The following DLG2 variants were observed in gnomAD, a reference collection of about 807,000 sequenced individuals.
DLG2 encodes the protein discs large MAGUK scaffold protein 2, also known as disks large homolog 2.
A neutral mutation model predicts 132.5 loss-of-function variants in DLG2; 45 were observed. The observed-to-expected ratio is 0.34, with a 90% CI of 0.27 to 0.44. The LOEUF is 0.44. Ranked by LOEUF, DLG2 falls within the 20% of genes least tolerant of loss-of-function variation. The pLI, the probability that DLG2 is intolerant of heterozygous loss-of-function variation, is 1.00. For missense variants in DLG2, 1,045 were observed against 1,196.9 expected (o/e 0.87, Z 1.87); for synonymous variants, 424 against 419.6 (o/e 1.01, Z -0.13).
intron 8 of DLG2, among the ~76,000 whole-genome samples, chr11:84,242,114 A>G (rs1196494607): frequency 1.3e-5 from 2 of 152,170 alleles, no homozygotes; most frequent in Non-Finnish European, 2.9e-5. Flanking sequence ...GAACCCCTCT[A>G]AGAAAGACGG....
At chr11:83,474,664 A>C (rs1053553821) in intron 22 of DLG2, among the ~76,000 whole-genome samples, 1 of 152,126 alleles carries the variant, frequency 6.6e-6, no homozygotes, top group Admixed American at 6.5e-5. Context: ...AGTGCTTAAC[A>C]TAAAGAAAGA....
chr11:83,793,212 T>C (rs2042016373), intron 17 of DLG2, among the ~76,000 whole-genome samples: 2 of 152,180 alleles, frequency 1.3e-5, no homozygotes, highest in Admixed American at 1.3e-4. Context: ...TCTTAGTTTG[T>C]TATTTGTACT....
chr11:85,547,977 C>T (rs997472384), intron 3 of DLG2, among the ~76,000 whole-genome samples: 1 of 152,062 alleles, frequency 6.6e-6, no homozygotes, highest in African/African-American at 2.4e-5. Context: ...CTTCTGAAGC[C>T]TACTTCTGTC....
At chr11:83,784,048 A>T (rs2153879789) in intron 18 of DLG2, among the ~76,000 whole-genome samples, 1 of 152,330 alleles carries the variant, frequency 6.6e-6, no homozygotes, top group Non-Finnish European at 1.5e-5. Context: ...CATTTAGGAA[A>T]TTTTTGATAA....
At chr11:84,265,701 T>C (rs919119652) in intron 7 of DLG2, among the ~76,000 whole-genome samples, 7 of 152,124 alleles carry the variant, frequency 4.6e-5, no homozygotes, top group Middle Eastern at 3.2e-3. Context: ...TAGGTAGTAG[T>C]AGTAGTAGTA....
In DLG2 at chr11:85,537,591, T is replaced by A. The variant is rs2075683124; in HGVS notation, c.40+61066A>T. On this transcript the variant is annotated intron_variant, in intron 3 of 27. Transcript: ENST00000376104. ...CCAGACGTGCCACCTTTGTGAACTGTAACACTCACCACGAAGGTCTGCAGC... is the reference window on the plus strand; with the variant it reads ...CCAGACGTGCCACCTTTGTGAACTGAAACACTCACCACGAAGGTCTGCAGC... Among the ~76,000 whole-genome samples, 3 of 149,496 alleles carry A rather than the reference T, an allele frequency of 2.0e-5. No individual in the cohort carries two copies. In the South Asian group the frequency reaches 6.2e-4, roughly 31 times the overall value.
rs2090973651 is a variant in DLG2 at position 85,428,939 on chromosome 11, AG to A, written c.41-143575del. On this transcript the variant is annotated intron_variant, in intron 3 of 27. Coordinates refer to ENST00000376104, the MANE Select transcript of DLG2 (RefSeq NM_001142699.3). ...AAATAGACGCAATAAAAAATGATAA[AG>A]GGGATATCACCACCGATCCCACAGA... Among the ~76,000 whole-genome samples the A allele has an allele frequency of 2.6e-5, 4 of 152,158 alleles. No homozygotes were observed. In the South Asian group the frequency reaches 6.2e-4, roughly 24 times the overall value.
intron 8 of DLG2, among the ~76,000 whole-genome samples, chr11:84,215,644 G>A (rs2096826482): frequency 6.6e-6 from 1 of 152,156 alleles, no homozygotes; most frequent in Admixed American, 6.5e-5. Flanking sequence ...AGATATTGAG[G>A]TGCAGTAATG....
At chr11:84,040,268 T>C (rs2154104582) in intron 11 of DLG2, among the ~76,000 whole-genome samples, 1 of 152,200 alleles carries the variant, frequency 6.6e-6, no homozygotes, top group South Asian at 2.1e-4. Flanking sequence ...CCATTGCTTT[T>C]GGTGTTTTGG....
intron 7 of DLG2, among the ~76,000 whole-genome samples, chr11:84,296,545 G>A (rs961242350): frequency 1.3e-5 from 2 of 152,072 alleles, no homozygotes; most frequent in Admixed American, 1.3e-4. Context: ...CTCAAGGGAT[G>A]TGCCTGCCTC....
intron 19 of DLG2, among the ~76,000 whole-genome samples, chr11:83,603,028 G>T (rs2058788840): frequency 6.6e-6 from 1 of 151,842 alleles, no homozygotes; most frequent in African/African-American, 2.4e-5. Flanking sequence ...CTGTGTGTGT[G>T]TGTGTATGTG....
chr11:83,942,285 A>T (rs1278241785), intron 14 of DLG2, among the ~76,000 whole-genome samples: 2 of 152,184 alleles, frequency 1.3e-5, no homozygotes, highest in East Asian at 3.8e-4. Context: ...ATGTAAGTAA[A>T]TTTGATGACA....
At chr11:83,676,456 T>C (rs998462341) in intron 18 of DLG2, among the ~76,000 whole-genome samples, 2 of 152,176 alleles carry the variant, frequency 1.3e-5, no homozygotes, top group Non-Finnish European at 2.9e-5. Context: ...GCAAGTCAGT[T>C]TGAGTCATCA....
intron 5 of DLG2, chr11:85,132,930 G>A (rs549319701): frequency 3.0e-5 from 13 of 428,562 alleles, no homozygotes; most frequent in African/African-American, 2.0e-4. Context: ...TTCCAAGGGG[G>A]CCCCTCATGG....
intron 7 of DLG2, among the ~76,000 whole-genome samples, chr11:84,367,688 T>G (rs2154426914): frequency 6.6e-6 from 1 of 152,232 alleles, no homozygotes. Flanking sequence ...TGGCTCTCAG[T>G]GTACCCCTCT....
At chr11:85,493,381 C>A (rs2093604885) in intron 3 of DLG2, among the ~76,000 whole-genome samples, 1 of 152,186 alleles carries the variant, frequency 6.6e-6, no homozygotes. Context: ...CCTTACTCCT[C>A]ATTTCACTAA....
At chr11:85,568,494 G>A (rs2077660138) in intron 3 of DLG2, among the ~76,000 whole-genome samples, 1 of 152,120 alleles carries the variant, frequency 6.6e-6, no homozygotes, top group Non-Finnish European at 1.5e-5. Context: ...GAGAAAGATT[G>A]CTCTTAATTC....
chr11:83,752,370 G>A lies in DLG2; in HGVS notation c.1825+34320C>T, dbSNP rs1347537549. ...TTCCCTCCCCATTCCAAAACACACA[G>A]AATTGACCAGGAGAAACCAGGAGGA... is the stretch of plus-strand genomic sequence containing the variant. On this transcript the variant is annotated intron_variant, in intron 18 of 27. Transcript: ENST00000376104. 2.0e-5 allele frequency among the ~76,000 whole-genome samples: 3 copies of A among 152,032 alleles called. No homozygotes were observed. The East Asian group carries it at 5.8e-4, about 29-fold the overall frequency.
intron 4 of DLG2, among the ~76,000 whole-genome samples, chr11:85,257,797 AC>A (rs2076744758): frequency 6.6e-6 from 1 of 152,216 alleles, no homozygotes; most frequent in South Asian, 2.1e-4. Context: ...GAATGAAACA[AC>A]AAAAAAGAGA....
Sources: gnomAD v4.1 joint callset for allele counts (sites outside exome capture counted in the v4.1 genomes callset) on GRCh38, gnomAD v4.1.1 for gene constraint, MANE v1.5 for transcripts, NCBI Gene and HGNC (gene_info 2026-07-23, HGNC 2026-07-21) for gene names.